Variants in MEIKIN observed in about 807,000 individuals in gnomAD.
MEIKIN encodes the protein meiotic kinetochore factor, also known as meiosis-specific kinetochore protein.
chr5:131,852,558 G>C (rs1462709958), intron 10 of MEIKIN, among the ~76,000 whole-genome samples: 2 of 152,044 alleles, frequency 1.3e-5, no homozygotes, highest in Non-Finnish European at 2.9e-5. Flanking sequence ...AAAGAAACCA[G>C]GCACAAAACG....
chr5:131,810,093 G>A (rs1001426874), intron 12 of MEIKIN, among the ~76,000 whole-genome samples: 10 of 152,150 alleles, frequency 6.6e-5, no homozygotes, highest in African/African-American at 2.2e-4. Flanking sequence ...ACTTAGGGAT[G>A]TCCTATTCTT....
At chr5:131,842,516 G>T (rs937303894) in intron 11 of MEIKIN, among the ~76,000 whole-genome samples, 1 of 151,880 alleles carries the variant, frequency 6.6e-6, no homozygotes, top group Non-Finnish European at 1.5e-5. Flanking sequence ...TAAAAATTTT[G>T]GATTTTGTCA....
chr5:131,891,657 G>A (rs561328674), intron 8 of MEIKIN, among the ~76,000 whole-genome samples: 50 of 152,268 alleles, frequency 3.3e-4, no homozygotes, highest in African/African-American at 1.2e-3. Flanking sequence ...GATGGGTCTT[G>A]ACTCTTTATC....
chr5:131,856,727 T>C (rs1428645440), intron 9 of MEIKIN, among the ~76,000 whole-genome samples: 1 of 152,106 alleles, frequency 6.6e-6, no homozygotes, highest in Non-Finnish European at 1.5e-5. Context: ...TTTTAAAACA[T>C]CAGCTTGTAT....
intron 11 of MEIKIN, among the ~76,000 whole-genome samples, chr5:131,842,033 C>CA (rs1749924528): frequency 6.6e-6 from 1 of 151,898 alleles, no homozygotes; most frequent in Non-Finnish European, 1.5e-5. Context: ...CAGAGTCTCA[C>CA]TCTGTCTCCA....
chr5:131,910,046 G>A (rs1459994024), intron 8 of MEIKIN, among the ~76,000 whole-genome samples: 2 of 152,082 alleles, frequency 1.3e-5, no homozygotes, highest in East Asian at 1.9e-4. Context: ...GGTATCATAC[G>A]ATCCAGCAAT....
At chr5:131,920,621 C>G (rs903662062) in intron 6 of MEIKIN, among the ~76,000 whole-genome samples, 43 of 152,024 alleles carry the variant, frequency 2.8e-4, no homozygotes, top group African/African-American at 1.0e-3. Flanking sequence ...CATCATGAAC[C>G]CTTTGATATG....
intron 9 of MEIKIN, among the ~76,000 whole-genome samples, chr5:131,855,293 G>T (rs1336778801): frequency 6.6e-6 from 1 of 152,146 alleles, no homozygotes; most frequent in Non-Finnish European, 1.5e-5. Flanking sequence ...AGGATAATTG[G>T]TTTAAAATAT....
chr5:131,920,836 G>A (rs1397923740), intron 6 of MEIKIN, among the ~76,000 whole-genome samples: 1 of 151,852 alleles, frequency 6.6e-6, no homozygotes, highest in Admixed American at 6.6e-5. Flanking sequence ...TGAGTAGCTG[G>A]GACTACAGGC....
At chr5:131,943,174 C>T (rs1751902064) in intron 3 of MEIKIN, among the ~76,000 whole-genome samples, 1 of 151,992 alleles carries the variant, frequency 6.6e-6, no homozygotes, top group Non-Finnish European at 1.5e-5. Flanking sequence ...TTTCACAAAA[C>T]AGTACAAATG....
intron 5 of MEIKIN, among the ~76,000 whole-genome samples, chr5:131,929,010 C>T (rs1464510074): frequency 1.3e-5 from 2 of 152,188 alleles, no homozygotes; most frequent in African/African-American, 2.4e-5. Context: ...TAAATTCCCT[C>T]TGCTTTTGTT....
intron 7 of MEIKIN, among the ~76,000 whole-genome samples, chr5:131,915,229 G>A (rs1250294836): frequency 6.6e-6 from 1 of 152,066 alleles, no homozygotes. Context: ...AGACTCAAAG[G>A]GTTTGAGAAA....
At chr5:131,937,018 A>T (rs560538747) in intron 4 of MEIKIN, among the ~76,000 whole-genome samples, 5 of 151,886 alleles carry the variant, frequency 3.3e-5, no homozygotes, top group African/African-American at 1.2e-4. Context: ...ATCTCAATCC[A>T]TTTGCTCAAA....
intron 11 of MEIKIN, among the ~76,000 whole-genome samples, chr5:131,827,745 G>A (rs562965331): frequency 6.6e-6 from 1 of 152,200 alleles, no homozygotes; most frequent in Non-Finnish European, 1.5e-5. Flanking sequence ...AGATCTATAG[G>A]AAGAAAGTAA....
At chr5:131,812,234 T>C (rs969008389) in intron 12 of MEIKIN, among the ~76,000 whole-genome samples, 1 of 152,258 alleles carries the variant, frequency 6.6e-6, no homozygotes, top group African/African-American at 2.4e-5. Flanking sequence ...AACAGTTGCA[T>C]ATAACTTTAT....
At position 131,945,401 on chromosome 5, in the gene MEIKIN, T is replaced by G; in HGVS notation, c.105A>C (p.Pro35=). The part of the protein sequence containing the change: ...LGSPAKAEAP[P]GSKRKGKVHG... ...GGTGGGCGAGCCTTGAGCCTGTACC[T>G]GGCGGGGCCTCGGCCTTCGCTGGAG... Residue 35 remains proline (P), a splice_region_variant and synonymous_variant, in exon 1 of 13, where the codon CCA becomes CCC. Transcript: ENST00000442687. The G allele has an allele frequency of 2.5e-6, 1 of 399,180 alleles. No individual in the cohort carries two copies. The highest frequency in any genetic ancestry group is 4.4e-6 in the Non-Finnish European group (1 of 226,174). 24.7% of individuals were successfully genotyped at this position (399,180 alleles called of 1,614,324 possible). A position where few individuals can be genotyped will look rare whatever the true frequency, so the allele number is the denominator to read the frequency against.
chr5:131,812,207 T>C (rs960438891), intron 12 of MEIKIN, among the ~76,000 whole-genome samples: 4 of 152,240 alleles, frequency 2.6e-5, no homozygotes, highest in African/African-American at 9.6e-5. Flanking sequence ...TAATTTTGTA[T>C]ATAACATGTA....
chr5:131,940,427 T>C (rs1171244759), intron 4 of MEIKIN, among the ~76,000 whole-genome samples: 2 of 152,202 alleles, frequency 1.3e-5, no homozygotes, highest in Admixed American at 1.3e-4. Context: ...GGGACTATAT[T>C]TTTTTTCATA....
chr5:131,901,294 T>A (rs1013515016), intron 8 of MEIKIN, among the ~76,000 whole-genome samples: 4 of 152,148 alleles, frequency 2.6e-5, no homozygotes, highest in Non-Finnish European at 5.9e-5. Context: ...CGGCCACTGC[T>A]GCCTGCATGG....
Sources: allele counts gnomAD v4.1 joint callset (sites outside exome capture counted in the v4.1 genomes callset), GRCh38; gene constraint gnomAD v4.1.1; transcripts MANE v1.5; gene names NCBI Gene and HGNC (gene_info 2026-07-23, HGNC 2026-07-21).